NOL10: variants seen among roughly 807,000 people sequenced by gnomAD.
The protein encoded by NOL10 is nucleolar protein 10, also known as H_NH0074G24.1.
Under a neutral mutation model 103.5 loss-of-function variants are expected in NOL10, and 58 were observed. The observed-to-expected ratio is 0.56, with a 90% confidence interval of 0.45 to 0.70. The LOEUF is 0.70. Ranked by LOEUF, NOL10 falls within the 30% of genes least tolerant of loss-of-function variation. The probability of loss-of-function intolerance (pLI) is 0.00; values close to 1 mark genes in which losing one functional copy is unlikely to be tolerated. For missense variants in NOL10, 763 were observed against 807.3 expected, an observed-to-expected ratio of 0.95 and a Z score of 0.67; for synonymous variants, 287 against 282.5, an observed-to-expected ratio of 1.02 and a Z score of -0.16.
At chr2:10,656,299 TA>T (rs1038796625) in intron 11 of NOL10, among the ~76,000 whole-genome samples, 3 of 152,124 alleles carry the variant, frequency 2.0e-5, no homozygotes, top group Non-Finnish European at 2.9e-5. Context: ...GAATCTTCCT[TA>T]AAAAAGCCCT....
intron 17 of NOL10, among the ~76,000 whole-genome samples, chr2:10,593,834 C>CA (rs1675522335): frequency 1.3e-5 from 2 of 152,224 alleles, no homozygotes; most frequent in South Asian, 4.2e-4. Flanking sequence ...TTGTGACCTA[C>CA]AGTGGTCAGT....
At chr2:10,661,300 C>T (rs941303836) in intron 9 of NOL10, among the ~76,000 whole-genome samples, 67 of 151,894 alleles carry the variant, frequency 4.4e-4, no homozygotes, top group African/African-American at 1.6e-3. Flanking sequence ...GTCTCAAACT[C>T]CCGACCTCAG....
chr2:10,656,012 CAAT>C (rs1312249169), intron 11 of NOL10, among the ~76,000 whole-genome samples: 51 of 152,166 alleles, frequency 3.4e-4, no homozygotes, highest in African/African-American at 1.0e-3. Flanking sequence ...CACGGAACAA[CAAT>C]GACAAAAAGG....
At chr2:10,620,505 T>C (rs1302487897) in intron 13 of NOL10, among the ~76,000 whole-genome samples, 1 of 152,194 alleles carries the variant, frequency 6.6e-6, no homozygotes, top group Non-Finnish European at 1.5e-5. Context: ...GAACGTATTT[T>C]AAATTCATAC....
Position 10,675,882 on chromosome 2 carries a change from T to A in NOL10, c.212-11A>T. ...GAGGTTTATATGTTCCTACAAAAAA[T>A]TAATGTGATGTAAAACCTAAAGACA... On this transcript the variant is annotated splice_polypyrimidine_tract_variant and intron_variant, in intron 3 of 20. Transcript: ENST00000381685. The A allele has an allele frequency of 6.7e-7, 1 of 1,492,406 alleles. No individual in the cohort carries two copies. The highest frequency in any genetic ancestry group is 9.2e-7 in the Non-Finnish European group (1 of 1,090,388). 92.4% of individuals were successfully genotyped at this position (1,492,406 alleles called of 1,614,324 possible). A position where few individuals can be genotyped will look rare whatever the true frequency, so the allele number is the denominator to read the frequency against.
intron 17 of NOL10, among the ~76,000 whole-genome samples, chr2:10,595,820 G>C (rs1431141788): frequency 6.6e-6 from 1 of 151,802 alleles, no homozygotes; most frequent in Non-Finnish European, 1.5e-5. Flanking sequence ...GGCCAGAGTG[G>C]TCTCAAACTC....
intron 3 of NOL10, among the ~76,000 whole-genome samples, chr2:10,680,013 A>G (rs565651342): frequency 2.3e-4 from 35 of 151,816 alleles, no homozygotes; most frequent in Admixed American, 1.6e-3. Flanking sequence ...AGTGGCTCAC[A>G]CCTATAATCC....
chr2:10,633,793 A>ATG (rs34227530), intron 13 of NOL10, among the ~76,000 whole-genome samples: 12,737 of 149,292 alleles, frequency 0.085, 683 homozygotes, highest in Admixed American at 0.15. Flanking sequence ...GTTTATATGT[A>ATG]TGTGTGTGTG....
In NOL10 at chr2:10,572,145, G is replaced by A; in HGVS notation, c.1993C>T (p.Gln665Ter). Residue 665 changes from glutamine (Q) to a stop codon, truncating the protein, a stop_gained, in exon 21 of 21, where the codon CAA becomes TAA. Coordinates refer to ENST00000381685, the MANE Select transcript of NOL10 (RefSeq NM_024894.4). LOFTEE classifies it high-confidence loss of function. ...GAACGACGGAGTCTTTTCCTTTCTT[G>A]TCGATGCAGTTTCTCAGCCTCCTGT... ...KQQEAEKLHR[Q>*]ERKRLRRSAG... The A allele has an allele frequency of 1.9e-6, 3 of 1,613,890 alleles. No individual in the cohort carries two copies. The highest frequency in any genetic ancestry group is 2.5e-6 in the Non-Finnish European group (3 of 1,179,864).
At position 10,657,796 on chromosome 2, in the gene NOL10, T is replaced by C. The variant is rs1259688494; in HGVS notation, c.852A>G (p.Leu284=). Residue 284 remains leucine (L), a synonymous_variant, in exon 11 of 21, where the codon TTA becomes TTG. Transcript: ENST00000381685. ...PIKSVHFQDS[L]DLILSADSRI... ...GAGAGTCAGCAGACAAAATCAGATCTAATGAATCCTGGAAATGAACGGACT... is the reference window on the plus strand; with the variant it reads ...GAGAGTCAGCAGACAAAATCAGATCCAATGAATCCTGGAAATGAACGGACT... The C allele has an allele frequency of 6.4e-7, 1 of 1,551,294 alleles. No individual in the cohort carries two copies. Among genetic ancestry groups the C allele is most frequent in the Admixed American group, 2.0e-5 (1 of 50,992 alleles).
chr2:10,600,803 T>G, intron 17 of NOL10, 50 bp downstream of exon 17: 3 of 1,168,806 alleles, frequency 2.6e-6, no homozygotes, highest in Non-Finnish European at 3.7e-6. Context: ...AAGATGTAAG[T>G]TACTATCAAC....
intron 13 of NOL10, among the ~76,000 whole-genome samples, chr2:10,633,793 A>ATGTGTG (rs34227530): frequency 6.7e-5 from 10 of 149,358 alleles, no homozygotes; most frequent in Admixed American, 4.0e-4. Flanking sequence ...GTTTATATGT[A>ATGTGTG]TGTGTGTGTG....
chr2:10,663,121 C>G, intron 8 of NOL10, 77 bp from the exon 9 acceptor site: 1 of 1,184,694 alleles, frequency 8.4e-7, no homozygotes, highest in East Asian at 2.4e-5. Context: ...AATCCCAGCA[C>G]TTTGGGAGGC....
chr2:10,665,490 G>A (rs1248577165), intron 8 of NOL10, among the ~76,000 whole-genome samples: 1 of 152,162 alleles, frequency 6.6e-6, no homozygotes, highest in Non-Finnish European at 1.5e-5. Context: ...AAATGAATTT[G>A]TTAAGCCTGA....
intron 20 of NOL10, among the ~76,000 whole-genome samples, chr2:10,574,692 T>A (rs968408152): frequency 1.3e-5 from 2 of 151,370 alleles, no homozygotes; most frequent in Non-Finnish European, 2.9e-5. Context: ...TGGAAAATCA[T>A]GTGCTAAATA....
intron 12 of NOL10, among the ~76,000 whole-genome samples, chr2:10,646,665 A>G (rs921012825): frequency 6.6e-6 from 1 of 152,240 alleles, no homozygotes; most frequent in African/African-American, 2.4e-5. Flanking sequence ...GCAGGAGAAG[A>G]GAAGAGCATG....
rs560814337 is a variant in NOL10 at position 10,637,106 on chromosome 2, G to GT, written c.1026+7213dup. Among the ~76,000 whole-genome samples the GT allele has an allele frequency of 3.9e-3, 561 of 145,590 alleles. 1 individual carries two copies. Among genetic ancestry groups the GT allele is most frequent in the African/African-American group, 9.6e-3 (379 of 39,616 alleles). On this transcript the variant is annotated intron_variant, in intron 13 of 20. Coordinates refer to ENST00000381685, the MANE Select transcript of NOL10 (RefSeq NM_024894.4). ...AATCCCAGCTACTTGAGAGGCTGAG[G>GT]TAAGAGAATCGCTTGACCCAGGAGA...
intron 12 of NOL10, among the ~76,000 whole-genome samples, chr2:10,654,067 T>A (rs1679663027): frequency 6.6e-6 from 1 of 152,224 alleles, no homozygotes; most frequent in African/African-American, 2.4e-5. Flanking sequence ...ACAAAACCTA[T>A]GGCTTCATGA....
intron 9 of NOL10, among the ~76,000 whole-genome samples, chr2:10,660,777 A>G (rs1177924300): frequency 1.3e-5 from 2 of 152,166 alleles, no homozygotes; most frequent in Non-Finnish European, 2.9e-5. Flanking sequence ...ATTTTCAGTT[A>G]TTCTCCTGAG....
Sources: allele counts gnomAD v4.1 joint callset (sites outside exome capture counted in the v4.1 genomes callset), GRCh38; gene constraint gnomAD v4.1.1; transcripts MANE v1.5; gene names NCBI Gene and HGNC (gene_info 2026-07-23, HGNC 2026-07-21).